Variants in RAD51B observed in about 807,000 individuals in gnomAD.
The protein encoded by RAD51B is DNA repair protein RAD51 homolog 2.
In RAD51B, 38 loss-of-function variants were observed where a neutral mutation model predicts 42.2. The observed-to-expected ratio is 0.90, with a 90% CI of 0.70 to 1.18. The LOEUF is 1.18. Ranked by LOEUF, RAD51B falls within the 50% of genes most tolerant of loss-of-function variation. The pLI, the probability that RAD51B is intolerant of heterozygous loss-of-function variation, is 0.00. For synonymous variants in RAD51B, 154 were observed against 145.2 expected (o/e 1.06, Z -0.43); for missense variants, 373 against 400.7 (o/e 0.93, Z 0.59).
intron 7 of RAD51B, among the ~76,000 whole-genome samples, chr14:68,233,993 G>C (rs1295574499): frequency 6.6e-6 from 1 of 152,120 alleles, no homozygotes; most frequent in East Asian, 1.9e-4. Context: ...TTTTCAGGAA[G>C]AGAATTCTGA....
chr14:68,018,248 T>C (rs935682429), intron 7 of RAD51B, among the ~76,000 whole-genome samples: 3 of 152,220 alleles, frequency 2.0e-5, no homozygotes, highest in African/African-American at 7.2e-5. Context: ...TTTTACACAC[T>C]TCCTGTCCCC....
Position 67,825,553 on chromosome 14 carries a change from G to C in RAD51B, c.174G>C (p.Arg58Ser). Residue 58 changes from arginine to serine, a missense_variant, in exon 3 of 11, where the codon AGG (arginine) becomes AGC (serine). By Grantham distance (110) the Arg-to-Ser change is moderately radical. Coordinates refer to ENST00000471583, the MANE Select transcript of RAD51B (RefSeq NM_133510.4). Reference protein sequence around the residue: ...GVHELLCMVSRACAPKMQTAY... With the variant: ...GVHELLCMVSSACAPKMQTAY... ...ATGAACTTCTATGTATGGTCAGCAGGGCCTGTGCCCCAAAGATGCAAACGG... is the reference window on the plus strand; with the variant it reads ...ATGAACTTCTATGTATGGTCAGCAGCGCCTGTGCCCCAAAGATGCAAACGG... The C allele has an allele frequency of 6.2e-7, 1 of 1,610,162 alleles. No individual in the cohort carries two copies. The highest frequency in any genetic ancestry group is 8.5e-7 in the Non-Finnish European group (1 of 1,177,804).
intron 7 of RAD51B, among the ~76,000 whole-genome samples, chr14:67,946,902 C>T (rs2045414836): frequency 6.6e-6 from 1 of 152,124 alleles, no homozygotes; most frequent in African/African-American, 2.4e-5. Context: ...AAGTTGTTAA[C>T]TATGGTTCTA....
intron 4 of RAD51B, among the ~76,000 whole-genome samples, chr14:67,840,674 T>G (rs981816465): frequency 6.6e-6 from 1 of 152,242 alleles, no homozygotes; most frequent in Non-Finnish European, 1.5e-5. Context: ...GCTCAAATGG[T>G]AGCTCTGTTT....
At chr14:68,207,340 T>C (rs895908216) in intron 7 of RAD51B, among the ~76,000 whole-genome samples, 3 of 152,252 alleles carry the variant, frequency 2.0e-5, no homozygotes, top group African/African-American at 7.2e-5. Context: ...CCCACAGGTT[T>C]CTTACTTGCC....
intron 8 of RAD51B, among the ~76,000 whole-genome samples, chr14:68,318,144 A>G (rs1278395142): frequency 2.0e-5 from 3 of 152,222 alleles, no homozygotes; most frequent in Non-Finnish European, 4.4e-5. Flanking sequence ...GATTTTCACT[A>G]GTGATTCCTG....
chr14:68,205,621 T>C (rs574666566), intron 7 of RAD51B, among the ~76,000 whole-genome samples: 13 of 152,062 alleles, frequency 8.5e-5, no homozygotes, highest in Non-Finnish European at 1.2e-4. Context: ...CTTTTCTTTT[T>C]TTTTTACTTT....
chr14:67,966,063 A>G (rs1051122511), intron 7 of RAD51B, among the ~76,000 whole-genome samples: 11 of 152,232 alleles, frequency 7.2e-5, no homozygotes, highest in African/African-American at 2.7e-4. Context: ...ATTTACTTTT[A>G]TAGCTAAAGG....
At chr14:67,950,523 T>C (rs2074424706) in intron 7 of RAD51B, among the ~76,000 whole-genome samples, 1 of 152,234 alleles carries the variant, frequency 6.6e-6, no homozygotes, top group South Asian at 2.1e-4. Flanking sequence ...TTTGGTCTTC[T>C]ATCCAGACAT....
At chr14:67,853,302 A>G (rs1479579922) in intron 4 of RAD51B, among the ~76,000 whole-genome samples, 1 of 152,154 alleles carries the variant, frequency 6.6e-6, no homozygotes, top group African/African-American at 2.4e-5. Flanking sequence ...TAAGCAGAGA[A>G]CCTAGCCAAC....
intron 10 of RAD51B, among the ~76,000 whole-genome samples, chr14:68,488,290 A>T (rs1461094497): frequency 1.3e-5 from 2 of 149,850 alleles, no homozygotes; most frequent in Non-Finnish European, 3.0e-5. Flanking sequence ...AAAAGAGGCC[A>T]GGTGCAATAA....
intron 7 of RAD51B, among the ~76,000 whole-genome samples, chr14:68,117,988 G>T (rs995567330): frequency 2.0e-5 from 3 of 152,108 alleles, no homozygotes; most frequent in Admixed American, 6.5e-5. Flanking sequence ...CCCCTGCAAA[G>T]AAATTTATTA....
intron 7 of RAD51B, among the ~76,000 whole-genome samples, chr14:67,898,716 A>G (rs532934900): frequency 6.6e-6 from 1 of 152,350 alleles, no homozygotes; most frequent in Admixed American, 6.5e-5. Flanking sequence ...TGTATATGTC[A>G]AACAAATAAA....
At position 67,963,429 on chromosome 14, in the gene RAD51B, A is replaced by G. The variant is rs1179792256; in HGVS notation, c.756+76225A>G. Among the ~76,000 whole-genome samples the G allele has an allele frequency of 2.6e-5, 4 of 152,120 alleles. No homozygotes were observed. The East Asian group carries it at 7.7e-4, about 29-fold the overall frequency. On this transcript the variant is annotated intron_variant, in intron 7 of 10. Transcript: ENST00000471583. The stretch of plus-strand genomic sequence containing the variant: ...TTCTGTGTATTTTTTGTAGTATTTG[A>G]ATTTATATAATGAGAATATTTTAAA...
chr14:68,495,668 A>G (rs369019103), intron 10 of RAD51B, among the ~76,000 whole-genome samples: 4 of 152,194 alleles, frequency 2.6e-5, no homozygotes, highest in Admixed American at 6.5e-5. Context: ...ATGCCCCTAG[A>G]TGGGAAACAT....
intron 7 of RAD51B, among the ~76,000 whole-genome samples, chr14:67,892,578 A>ATGAG (rs1317939316): frequency 6.6e-6 from 1 of 152,152 alleles, no homozygotes; most frequent in Non-Finnish European, 1.5e-5. Context: ...CTCCTGGGAG[A>ATGAG]TGAGTGCTGG....
intron 10 of RAD51B, among the ~76,000 whole-genome samples, chr14:68,546,044 G>A (rs1366897699): frequency 1.3e-5 from 2 of 152,192 alleles, no homozygotes; most frequent in East Asian, 3.8e-4. Flanking sequence ...GTTCCACGAG[G>A]ACAGGGACCC....
At chr14:68,375,965 G>A (rs2083360632) in intron 8 of RAD51B, among the ~76,000 whole-genome samples, 1 of 151,940 alleles carries the variant, frequency 6.6e-6, no homozygotes, top group African/African-American at 2.4e-5. Flanking sequence ...TATTTATTAA[G>A]CTGGAGGACT....
intron 7 of RAD51B, among the ~76,000 whole-genome samples, chr14:67,936,007 A>G (rs17104783): frequency 0.06 from 9,117 of 152,278 alleles, 641 homozygotes; most frequent in African/African-American, 0.17. Context: ...TTTTATTAAT[A>G]GACCTTTTTA....
Sources: allele counts gnomAD v4.1 joint callset (sites outside exome capture counted in the v4.1 genomes callset), GRCh38; gene constraint gnomAD v4.1.1; transcripts MANE v1.5; gene names NCBI Gene and HGNC (gene_info 2026-07-23, HGNC 2026-07-21).